Variants in GPC6 observed in about 807,000 individuals in gnomAD.
The protein encoded by GPC6 is glypican 6, also known as glypican-6.
In GPC6, 14 loss-of-function variants were observed where a neutral mutation model predicts 55.2. The ratio of observed to expected loss-of-function variants is 0.25; its 90% CI spans 0.17 to 0.40. The LOEUF (loss-of-function observed/expected upper bound fraction) is 0.40. GPC6 is among the 10% of genes least tolerant of loss of function. GPC6 has a pLI of 1.00. For missense variants in GPC6, 641 were observed against 708.5 expected, an observed-to-expected ratio of 0.90 and a Z score of 1.08; for synonymous variants, 278 against 259.6, an observed-to-expected ratio of 1.07 and a Z score of -0.68.
intron 4 of GPC6, among the ~76,000 whole-genome samples, chr13:94,173,018 T>C: frequency 6.6e-6 from 1 of 152,112 alleles, no homozygotes; most frequent in East Asian, 1.9e-4. Flanking sequence ...TAGCCAACAA[T>C]GAGATGTGTT....
rs141372123 is a variant in GPC6, at chr13:94,034,247, A to AGGAAGGAAGGAAG, written c.877+6357_877+6358insGGAAGGAAGGGAA. On this transcript the variant is annotated intron_variant, in intron 4 of 8. Transcript: ENST00000377047. The stretch of plus-strand genomic sequence containing the variant: ...AAGGAAGGAAGGAAGGAAGGAAGGA[A>AGGAAGGAAGGAAG]GGAAAGAAAGAAAGAAAAGAGTTGG... Among the ~76,000 whole-genome samples, 569 of 147,034 alleles carry AGGAAGGAAGGAAG rather than the reference A, an allele frequency of 3.9e-3. 8 individuals are homozygous for AGGAAGGAAGGAAG. Among genetic ancestry groups the AGGAAGGAAGGAAG allele is most frequent in the Non-Finnish European group, 6.0e-3 (395 of 66,370 alleles).
At chr13:94,047,927 C>T (rs1883789161) in intron 4 of GPC6, among the ~76,000 whole-genome samples, 1 of 151,910 alleles carries the variant, frequency 6.6e-6, no homozygotes, top group Non-Finnish European at 1.5e-5. Context: ...CTAGTTAATG[C>T]ATTTCTGAAA....
chr13:94,343,446 G>GTAGGGT (rs1222248523), intron 6 of GPC6, among the ~76,000 whole-genome samples: 31 of 152,302 alleles, frequency 2.0e-4, no homozygotes, highest in African/African-American at 6.7e-4. Flanking sequence ...AGCTTACTAA[G>GTAGGGT]TAGGGTAATC....
chr13:93,247,391 G>A (rs1594051047), intron 1 of GPC6, among the ~76,000 whole-genome samples: 1 of 152,264 alleles, frequency 6.6e-6, no homozygotes, highest in Admixed American at 6.5e-5. Context: ...ACTCCTATGT[G>A]GTGATCCATT....
At chr13:94,388,696 G>T (rs1412430873) in intron 7 of GPC6, among the ~76,000 whole-genome samples, 5 of 152,174 alleles carry the variant, frequency 3.3e-5, no homozygotes, top group African/African-American at 4.8e-5. Context: ...GGCAGATTGG[G>T]TTCTCTTCCT....
intron 2 of GPC6, among the ~76,000 whole-genome samples, chr13:93,546,125 T>G (rs1386677704): frequency 6.6e-6 from 1 of 152,222 alleles, no homozygotes; most frequent in Non-Finnish European, 1.5e-5. Context: ...ATAAATTTAG[T>G]ATTTTTAGAA....
At chr13:93,219,590 ATT>A in the GPC6 span, among the ~76,000 whole-genome samples, 3 of 151,886 alleles carry the variant, frequency 2.0e-5, no homozygotes, top group African/African-American at 7.3e-5. Context: ...TTTCACTCTA[ATT>A]TTTTTTGCTA....
At chr13:93,438,658 G>A (rs1046963169) in intron 1 of GPC6, among the ~76,000 whole-genome samples, 2 of 152,148 alleles carry the variant, frequency 1.3e-5, no homozygotes, top group African/African-American at 4.8e-5. Context: ...GAAGAAAACA[G>A]TTTCTTGAGA....
intron 4 of GPC6, among the ~76,000 whole-genome samples, chr13:94,149,650 T>C (rs765003243): frequency 1.3e-5 from 2 of 152,072 alleles, no homozygotes; most frequent in Non-Finnish European, 1.5e-5. Flanking sequence ...CCAAGCCCTG[T>C]AAGTCTGAGC....
intron 4 of GPC6, among the ~76,000 whole-genome samples, chr13:94,124,403 A>G (rs1886736195): frequency 6.6e-6 from 1 of 152,152 alleles, no homozygotes; most frequent in Admixed American, 6.6e-5. Context: ...ATGCAAAGAT[A>G]ATCAAGTCAT....
intron 3 of GPC6, among the ~76,000 whole-genome samples, chr13:93,857,193 A>G (rs2139020969): frequency 6.6e-6 from 1 of 151,718 alleles, no homozygotes; most frequent in Non-Finnish European, 1.5e-5. Context: ...TAAATTGCAA[A>G]CACATCAGGG....
At chr13:94,219,109 TG>T (rs1460475938) in intron 4 of GPC6, among the ~76,000 whole-genome samples, 2 of 152,158 alleles carry the variant, frequency 1.3e-5, no homozygotes, top group African/African-American at 4.8e-5. Flanking sequence ...CAAATATGTT[TG>T]GGGGTGATAG....
At chr13:93,271,464 T>C (rs2139053635) in intron 1 of GPC6, among the ~76,000 whole-genome samples, 2 of 152,214 alleles carry the variant, frequency 1.3e-5, no homozygotes, top group South Asian at 4.2e-4. Flanking sequence ...AATTACATCC[T>C]AGATAAACCC....
intron 2 of GPC6, among the ~76,000 whole-genome samples, chr13:93,823,170 A>G (rs1413129965): frequency 6.6e-6 from 1 of 151,976 alleles, no homozygotes; most frequent in Non-Finnish European, 1.5e-5. Context: ...GCCGAAAATT[A>G]CTTTTATAAA....
intron 3 of GPC6, among the ~76,000 whole-genome samples, chr13:94,002,470 A>G (rs1407289984): frequency 6.6e-6 from 1 of 152,202 alleles, no homozygotes; most frequent in Non-Finnish European, 1.5e-5. Flanking sequence ...TTATCTCAAT[A>G]TTGACCTAGA....
chr13:93,455,298 G>A (rs975274314), intron 1 of GPC6, among the ~76,000 whole-genome samples: 3 of 152,336 alleles, frequency 2.0e-5, no homozygotes, highest in East Asian at 1.9e-4. Context: ...GGCAGAGGAG[G>A]CGCCCAGAGC....
chr13:93,288,312 C>G lies in GPC6; in HGVS notation c.160+60696C>G, dbSNP rs16948589. 4.7e-3 allele frequency among the ~76,000 whole-genome samples: 716 copies of G among 152,176 alleles called. 7 individuals carry two copies. The highest frequency in any genetic ancestry group is 0.016 in the African/African-American group (680 of 41,552). ...ATTTTAAATCCTGAAGAAATGGGAT[C>G]AAATAAGCTCTCAGTAGTGTTCTAT... On this transcript the variant is annotated intron_variant, in intron 1 of 8. Transcript: ENST00000377047.
At chr13:93,974,818 A>G (rs1880444658) in intron 3 of GPC6, among the ~76,000 whole-genome samples, 1 of 152,092 alleles carries the variant, frequency 6.6e-6, no homozygotes, top group Admixed American at 6.6e-5. Context: ...ACTATATTCT[A>G]AGGAATTCAC....
intron 1 of GPC6, among the ~76,000 whole-genome samples, chr13:93,447,042 A>G (rs1878034419): frequency 6.6e-6 from 1 of 152,120 alleles, no homozygotes; most frequent in South Asian, 2.1e-4. Context: ...TCACAGAGTA[A>G]GCAAGAATTA....
Sources: allele counts gnomAD v4.1 joint callset (sites outside exome capture counted in the v4.1 genomes callset), GRCh38; gene constraint gnomAD v4.1.1; transcripts MANE v1.5; gene names NCBI Gene and HGNC (gene_info 2026-07-23, HGNC 2026-07-21).